IGF1R: variants seen among roughly 807,000 people sequenced by gnomAD.
IGF1R encodes the protein insulin-like growth factor 1 receptor.
In IGF1R, 44 loss-of-function variants were observed where a neutral mutation model predicts 144.6. The ratio of observed to expected loss-of-function variants is 0.30; its 90% CI spans 0.24 to 0.39. IGF1R has a LOEUF of 0.39. Among genes scored for constraint, IGF1R ranks in the 10% least tolerant of loss-of-function variants. The probability of loss-of-function intolerance (pLI) is 1.00; values close to 1 mark genes in which losing one functional copy is unlikely to be tolerated. For missense variants in IGF1R, 1,355 were observed against 1,833.7 expected, an observed-to-expected ratio of 0.74 and a Z score of 4.77; for synonymous variants, 795 against 722.8, an observed-to-expected ratio of 1.10 and a Z score of -1.60.
At position 98,913,138 on chromosome 15, in the gene IGF1R, G is replaced by A. The variant is rs765660217; in HGVS notation, c.1684G>A (p.Val562Met). Residue 562 changes from valine to methionine, a missense_variant, in exon 8 of 21, where the codon GTG becomes ATG. Val to Met is a conservative substitution (Grantham distance 21). Coordinates refer to ENST00000650285, the MANE Select transcript of IGF1R (RefSeq NM_000875.5). The part of the protein sequence containing the change: ...VDVDLPPNKD[V>M]EPGILLHGLK... ...CGTGGACCTCCCGCCCAACAAGGAC[G>A]TGGAGCCCGGCATCTTACTACATGG... 20 of 1,614,112 alleles carry A rather than the reference G, an allele frequency of 1.2e-5. No individual in the cohort carries two copies. The highest frequency in any genetic ancestry group is 5.3e-5 in the African/African-American group (4 of 74,938).
At chr15:98,918,693 C>T (rs2015356422) in intron 10 of IGF1R, among the ~76,000 whole-genome samples, 1 of 152,146 alleles carries the variant, frequency 6.6e-6, no homozygotes, top group Non-Finnish European at 1.5e-5. Flanking sequence ...AGCCGGGCAT[C>T]ATGGTGAAAC....
intron 2 of IGF1R, among the ~76,000 whole-genome samples, chr15:98,877,835 C>A (rs532239833): frequency 6.6e-6 from 1 of 152,258 alleles, no homozygotes; most frequent in South Asian, 2.1e-4. Flanking sequence ...CTGTTGTTGA[C>A]AAAATTTTAT....
chr15:98,827,296 G>T (rs973085506), intron 2 of IGF1R, among the ~76,000 whole-genome samples: 5 of 152,198 alleles, frequency 3.3e-5, no homozygotes, highest in Admixed American at 6.5e-5. Context: ...TCCGAGGAGG[G>T]ATTCTGCACT....
At chr15:98,863,692 G>T (rs1214617015) in intron 2 of IGF1R, among the ~76,000 whole-genome samples, 3 of 152,186 alleles carry the variant, frequency 2.0e-5, no homozygotes, top group Non-Finnish European at 4.4e-5. Flanking sequence ...AAATGTTCTT[G>T]CCCTTTCTCC....
At chr15:98,765,216 A>C (rs2055405531) in intron 2 of IGF1R, among the ~76,000 whole-genome samples, 1 of 151,516 alleles carries the variant, frequency 6.6e-6, no homozygotes, top group African/African-American at 2.4e-5. Flanking sequence ...TCATTGCCTA[A>C]CTTCAGGGCT....
chr15:98,937,278 C>CG (rs1455103789), intron 17 of IGF1R, among the ~76,000 whole-genome samples: 1 of 152,120 alleles, frequency 6.6e-6, no homozygotes, highest in Non-Finnish European at 1.5e-5. Context: ...TTGCCAGCAT[C>CG]GATTGAGGCA....
chr15:98,746,308 A>G (rs1019337897), intron 2 of IGF1R, among the ~76,000 whole-genome samples: 19 of 152,154 alleles, frequency 1.2e-4, no homozygotes, highest in Non-Finnish European at 2.2e-4. Flanking sequence ...ATCATTTTTA[A>G]AAGTCTGTGC....
At position 98,746,526 on chromosome 15, in the gene IGF1R, C is replaced by T. The variant is rs377144364; in HGVS notation, c.640+38419C>T. ...AGGGCGCCTCTCAGATGAGTCATCCCGGCAGCCCCTGCTCCATGAGTGTCT... is the reference window on the plus strand; with the variant it reads ...AGGGCGCCTCTCAGATGAGTCATCCTGGCAGCCCCTGCTCCATGAGTGTCT... On this transcript the variant is annotated intron_variant, in intron 2 of 20. Transcript: ENST00000650285. 3.7e-4 allele frequency among the ~76,000 whole-genome samples: 56 copies of T among 152,218 alleles called. No individual in the cohort carries two copies. The South Asian group carries it at 0.01, about 28-fold the overall frequency.
intron 18 of IGF1R, among the ~76,000 whole-genome samples, chr15:98,942,671 A>G (rs1051008967): frequency 1.6e-4 from 25 of 152,226 alleles, no homozygotes; most frequent in African/African-American, 6.0e-4. Context: ...AAGGGCATTA[A>G]CTTCCTAAGG....
intron 7 of IGF1R, 101 bp downstream of exon 7, chr15:98,911,542 A>C: frequency 6.6e-7 from 1 of 1,508,032 alleles, no homozygotes; most frequent in Non-Finnish European, 9.2e-7. Context: ...ACAGGGGGTC[A>C]GCAGAGTCCC....
chr15:98,797,590 A>C (rs1386168207), intron 2 of IGF1R, among the ~76,000 whole-genome samples: 1 of 152,214 alleles, frequency 6.6e-6, no homozygotes, highest in Non-Finnish European at 1.5e-5. Flanking sequence ...TTCCATGCAC[A>C]TGCACCTGCA....
At chr15:98,725,598 G>T (rs1033817106) in intron 2 of IGF1R, among the ~76,000 whole-genome samples, 2 of 152,196 alleles carry the variant, frequency 1.3e-5, no homozygotes, top group African/African-American at 4.8e-5. Context: ...ATAGGGATCA[G>T]GTGGGAAATG....
chr15:98,884,922 A>C (rs1430131617), intron 2 of IGF1R, among the ~76,000 whole-genome samples: 2 of 152,090 alleles, frequency 1.3e-5, no homozygotes, highest in African/African-American at 4.8e-5. Flanking sequence ...CTCAGGGCAC[A>C]CCATCTTTCC....
chr15:98,739,141 G>A (rs370621114), intron 2 of IGF1R, among the ~76,000 whole-genome samples: 31 of 152,172 alleles, frequency 2.0e-4, no homozygotes, highest in African/African-American at 5.3e-4. Context: ...TGGGCTTTTC[G>A]TGCATTTTAG....
intron 2 of IGF1R, among the ~76,000 whole-genome samples, chr15:98,726,414 T>G (rs1301639750): frequency 2.0e-5 from 3 of 152,212 alleles, no homozygotes; most frequent in East Asian, 3.9e-4. Context: ...TGAAGATGTC[T>G]TGCTCTAGTC....
At chr15:98,916,519 C>T in intron 9 of IGF1R, 153 bp from the exon 10 acceptor site, 1 of 762,008 alleles carries the variant, frequency 1.3e-6, no homozygotes, top group Non-Finnish European at 2.3e-6. Context: ...GCCTCGGCCT[C>T]CCAAAGTGCT....
At chr15:98,786,254 G>A (rs1223890444) in intron 2 of IGF1R, among the ~76,000 whole-genome samples, 1 of 152,188 alleles carries the variant, frequency 6.6e-6, no homozygotes, top group African/African-American at 2.4e-5. Flanking sequence ...TTAGAACAAG[G>A]TGGAGGAAAA....
chr15:98,904,732 T>G (rs2014649877), intron 5 of IGF1R, among the ~76,000 whole-genome samples: 1 of 152,252 alleles, frequency 6.6e-6, no homozygotes, highest in Admixed American at 6.5e-5. Flanking sequence ...ATTGGTTGTA[T>G]AATTGCAGAA....
At chr15:98,913,668 T>A (rs541384479) in intron 8 of IGF1R, among the ~76,000 whole-genome samples, 1 of 152,366 alleles carries the variant, frequency 6.6e-6, no homozygotes, top group East Asian at 1.9e-4. Flanking sequence ...TGTAGCTCAC[T>A]GGTTTTCCAT....
Sources: gnomAD v4.1 joint callset for allele counts (sites outside exome capture counted in the v4.1 genomes callset) on GRCh38, gnomAD v4.1.1 for gene constraint, MANE v1.5 for transcripts, NCBI Gene and HGNC (gene_info 2026-07-23, HGNC 2026-07-21) for gene names.